The following EYS variants were observed in gnomAD, a reference collection of about 807,000 sequenced individuals.
EYS encodes EGF-like photoreceptor maintenance factor.
Under a neutral mutation model 282.1 loss-of-function variants are expected in EYS, and 250 were observed. That is an observed-to-expected ratio of 0.89 (90% CI 0.80 to 0.98). EYS has a LOEUF of 0.98. EYS is among the 50% of genes least tolerant of loss of function. The pLI is 0.00. For synonymous variants in EYS, 1,355 were observed against 1,282.9 expected, an observed-to-expected ratio of 1.06 and a Z score of -1.20; for missense variants, 4,016 against 3,709.0, an observed-to-expected ratio of 1.08 and a Z score of -2.15.
At chr6:65,139,508 A>C in intron 12 of EYS, among the ~76,000 whole-genome samples, 1 of 152,186 alleles carries the variant, frequency 6.6e-6, no homozygotes, top group South Asian at 2.1e-4. Flanking sequence ...TGGGTGAAAA[A>C]ATAATCTGTA....
chr6:64,024,790 G>A (rs905160896), intron 33 of EYS, among the ~76,000 whole-genome samples: 3 of 152,056 alleles, frequency 2.0e-5, no homozygotes, highest in Admixed American at 1.3e-4. Flanking sequence ...GCGAGATCAC[G>A]AACCCACCAG....
chr6:64,853,456 T>G (rs1765950434), intron 19 of EYS, among the ~76,000 whole-genome samples: 1 of 152,206 alleles, frequency 6.6e-6, no homozygotes, highest in Non-Finnish European at 1.5e-5. Flanking sequence ...GAGAAGCTTC[T>G]GTTATACTTT....
intron 12 of EYS, among the ~76,000 whole-genome samples, chr6:65,291,068 C>T (rs1364371059): frequency 6.6e-6 from 1 of 151,298 alleles, no homozygotes; most frequent in African/African-American, 2.4e-5. Context: ...CCTTTATTTG[C>T]AGATGTAATT....
intron 30 of EYS, among the ~76,000 whole-genome samples, chr6:64,238,081 C>T (rs938538563): frequency 7.9e-5 from 12 of 152,062 alleles, no homozygotes; most frequent in Non-Finnish European, 8.8e-5. Context: ...TAATTCACTC[C>T]ACATAATAGT....
chr6:64,728,834 A>G (rs1309189513), intron 22 of EYS: 6 of 152,224 alleles, frequency 3.9e-5, no homozygotes, highest in Non-Finnish European at 8.8e-5. Context: ...TTACTAACGA[A>G]TTGGAGGGTG....
chr6:64,746,444 C>T (rs959233944), intron 22 of EYS, among the ~76,000 whole-genome samples: 4 of 151,910 alleles, frequency 2.6e-5, no homozygotes, highest in African/African-American at 9.7e-5. Flanking sequence ...AACCATGAGC[C>T]AATACATATA....
chr6:65,276,536 A>G (rs1483133087), intron 12 of EYS, among the ~76,000 whole-genome samples: 2 of 152,180 alleles, frequency 1.3e-5, no homozygotes, highest in Non-Finnish European at 2.9e-5. Context: ...GACTCTGACT[A>G]CTAGAGTAGA....
chr6:64,979,179 C>T (rs545359623), intron 14 of EYS, among the ~76,000 whole-genome samples: 7 of 151,778 alleles, frequency 4.6e-5, no homozygotes, highest in African/African-American at 1.2e-4. Flanking sequence ...CTGTATGACT[C>T]GCTTTATTGC....
intron 7 of EYS, among the ~76,000 whole-genome samples, chr6:65,400,116 G>A (rs1346045703): frequency 6.6e-6 from 1 of 151,926 alleles, no homozygotes; most frequent in Non-Finnish European, 1.5e-5. Flanking sequence ...AAGCAAGTAG[G>A]GGGTAAAAAA....
intron 22 of EYS, among the ~76,000 whole-genome samples, chr6:64,716,077 G>T (rs1237293170): frequency 6.6e-6 from 1 of 152,158 alleles, no homozygotes; most frequent in African/African-American, 2.4e-5. Flanking sequence ...GTGAGTTAAG[G>T]GTGTATAGTT....
intron 22 of EYS, among the ~76,000 whole-genome samples, chr6:64,791,110 T>C (rs573798722): frequency 6.6e-6 from 1 of 152,006 alleles, no homozygotes; most frequent in Non-Finnish European, 1.5e-5. Flanking sequence ...CTCATTCTCC[T>C]TTCATCATAG....
At chr6:65,391,361 T>C (rs547526754) in intron 7 of EYS, among the ~76,000 whole-genome samples, 1 of 152,242 alleles carries the variant, frequency 6.6e-6, no homozygotes, top group African/African-American at 2.4e-5. Flanking sequence ...AAAAACTATA[T>C]TTAAACTTTA....
chr6:63,974,295 G>A (rs1024514310), intron 35 of EYS, among the ~76,000 whole-genome samples: 10 of 151,944 alleles, frequency 6.6e-5, no homozygotes, highest in Non-Finnish European at 1.0e-4. Flanking sequence ...AAAATAAACA[G>A]GCTTTAACAC....
intron 36 of EYS, among the ~76,000 whole-genome samples, chr6:63,840,684 G>A (rs1334213352): frequency 6.6e-6 from 1 of 152,100 alleles, no homozygotes; most frequent in African/African-American, 2.4e-5. Context: ...TTAAATTTAA[G>A]TCTTTAATTC....
At chr6:63,804,112 G>A (rs1425138199) in intron 37 of EYS, among the ~76,000 whole-genome samples, 2 of 152,158 alleles carry the variant, frequency 1.3e-5, no homozygotes, top group African/African-American at 4.8e-5. Context: ...CGCCTCCTGG[G>A]TTCAAGCGAT....
At chr6:65,534,124 T>C (rs897442717) in intron 2 of EYS, among the ~76,000 whole-genome samples, 5 of 152,110 alleles carry the variant, frequency 3.3e-5, no homozygotes, top group Admixed American at 1.3e-4. Flanking sequence ...TCATGGTCTA[T>C]CAAATTTGTT....
intron 12 of EYS, among the ~76,000 whole-genome samples, chr6:65,062,912 A>G (rs1773621829): frequency 6.6e-6 from 1 of 151,922 alleles, no homozygotes; most frequent in African/African-American, 2.4e-5. Context: ...TGTATTTCTT[A>G]TTTTTGTTTG....
intron 2 of EYS, among the ~76,000 whole-genome samples, chr6:65,513,110 C>A (rs1365109742): frequency 2.0e-5 from 3 of 152,244 alleles, no homozygotes; most frequent in South Asian, 4.2e-4. Flanking sequence ...AAGGGGATAT[C>A]ACCACCAATC....
At chr6:65,612,230 T>C (rs12200913) in intron 2 of EYS, among the ~76,000 whole-genome samples, 53,694 of 150,360 alleles carry the variant, frequency 0.36, 11,990 homozygotes, top group Non-Finnish European at 0.49. Context: ...TATATGTGTA[T>C]ATGTATATAT....
Sources: allele counts gnomAD v4.1 joint callset (sites outside exome capture counted in the v4.1 genomes callset), GRCh38; gene constraint gnomAD v4.1.1; transcripts MANE v1.5; gene names NCBI Gene and HGNC (gene_info 2026-07-23, HGNC 2026-07-21).